SLC8A1: variants seen among roughly 807,000 people sequenced by gnomAD.
SLC8A1 encodes the protein solute carrier family 8 member A1, also known as sodium/calcium exchanger 1.
Under a neutral mutation model 68.3 loss-of-function variants are expected in SLC8A1, and 18 were observed. That is an observed-to-expected ratio of 0.26 (90% CI 0.18 to 0.39). The LOEUF (loss-of-function observed/expected upper bound fraction) is 0.39. SLC8A1 is among the 10% of genes least tolerant of loss of function. The pLI, the probability that SLC8A1 is intolerant of heterozygous loss-of-function variation, is 1.00. For synonymous variants in SLC8A1, 475 were observed against 415.5 expected (o/e 1.14, Z -1.74); for missense variants, 985 against 1,156.7 (o/e 0.85, Z 2.15).
intron 1 of SLC8A1, among the ~76,000 whole-genome samples, chr2:40,460,551 T>C (rs781049070): frequency 3.3e-5 from 5 of 151,726 alleles, no homozygotes; most frequent in African/African-American, 7.3e-5. Context: ...TTTAGACTTA[T>C]AGGTAAAATC....
intron 2 of SLC8A1, among the ~76,000 whole-genome samples, chr2:40,207,940 G>A (rs1306519120): frequency 1.3e-5 from 2 of 152,156 alleles, no homozygotes; most frequent in Non-Finnish European, 2.9e-5. Context: ...CTGCAGCTCT[G>A]GGAAGTTGGG....
intron 2 of SLC8A1, among the ~76,000 whole-genome samples, chr2:40,338,796 G>A (rs981780416): frequency 1.3e-5 from 2 of 152,186 alleles, no homozygotes; most frequent in African/African-American, 4.8e-5. Flanking sequence ...GGTATCATAT[G>A]TATTACAGGA....
In SLC8A1 at chr2:40,503,698, A is replaced by G. The variant is rs74704982; in HGVS notation, c.-25+8651T>C. Among the ~76,000 whole-genome samples, 1,445 of 152,142 alleles carry G rather than the reference A, an allele frequency of 9.5e-3. 23 individuals carry two copies. The highest frequency in any genetic ancestry group is 0.033 in the African/African-American group (1,355 of 41,540). On this transcript the variant is annotated intron_variant, in intron 1 of 7. Transcript: ENST00000402441. ...TAAAAAAGAAATAAAAAGTAATCCC[A>G]TTTATATTAGCCACACATAAAATTA...
intron 2 of SLC8A1, among the ~76,000 whole-genome samples, chr2:40,411,029 T>C (rs1691977305): frequency 6.6e-6 from 1 of 152,058 alleles, no homozygotes; most frequent in South Asian, 2.1e-4. Flanking sequence ...AATTAAGTTT[T>C]TTTAGATTGG....
chr2:40,314,339 G>C (rs1426918901), intron 2 of SLC8A1, among the ~76,000 whole-genome samples: 1 of 151,792 alleles, frequency 6.6e-6, no homozygotes, highest in South Asian at 2.1e-4. Context: ...TATTTCCATA[G>C]TTTATTCCAT....
chr2:40,357,040 C>T (rs796709297), intron 2 of SLC8A1, among the ~76,000 whole-genome samples: 1 of 152,126 alleles, frequency 6.6e-6, no homozygotes, highest in South Asian at 2.1e-4. Flanking sequence ...GTTACATCTG[C>T]AGAACACAGC....
At chr2:40,404,948 T>C (rs757772811) in intron 2 of SLC8A1, among the ~76,000 whole-genome samples, 1 of 152,200 alleles carries the variant, frequency 6.6e-6, no homozygotes, top group Non-Finnish European at 1.5e-5. Context: ...TAATAGCAAT[T>C]ATTTCTATTT....
chr2:40,271,951 C>T (rs1436790214), intron 2 of SLC8A1, among the ~76,000 whole-genome samples: 4 of 152,058 alleles, frequency 2.6e-5, no homozygotes, highest in South Asian at 2.1e-4. Context: ...ACTGCAGCCT[C>T]GATGTCTTGG....
intron 2 of SLC8A1, among the ~76,000 whole-genome samples, chr2:40,394,299 G>A (rs1003319009): frequency 6.6e-6 from 1 of 152,088 alleles, no homozygotes; most frequent in Non-Finnish European, 1.5e-5. Flanking sequence ...ATTCTAGGGA[G>A]AGTAATTTGT....
chr2:40,335,107 A>T (rs1158953092), intron 2 of SLC8A1, among the ~76,000 whole-genome samples: 1 of 152,236 alleles, frequency 6.6e-6, no homozygotes, highest in African/African-American at 2.4e-5. Context: ...ATTTCCTGCT[A>T]AGATAAATAG....
chr2:40,347,299 C>A (rs975621998), intron 2 of SLC8A1, among the ~76,000 whole-genome samples: 11 of 152,218 alleles, frequency 7.2e-5, no homozygotes, highest in African/African-American at 2.7e-4. Context: ...CCAACCTGGG[C>A]CCCTTGCTTC....
intron 2 of SLC8A1, among the ~76,000 whole-genome samples, chr2:40,415,238 T>A (rs1693447752): frequency 1.3e-5 from 2 of 152,130 alleles, no homozygotes; most frequent in African/African-American, 4.8e-5. Flanking sequence ...TGCTGAATAA[T>A]TGCTTTTTAA....
intron 2 of SLC8A1, among the ~76,000 whole-genome samples, chr2:40,270,429 T>C (rs2065883294): frequency 6.6e-6 from 1 of 152,258 alleles, no homozygotes; most frequent in Non-Finnish European, 1.5e-5. Flanking sequence ...CAGGGCTGTG[T>C]TCCTTTTCGG....
chr2:40,106,582 A>C (rs1387722646), exon 8 of SLC8A1: 3 of 152,238 alleles, frequency 2.0e-5, no homozygotes, highest in African/African-American at 7.2e-5. Flanking sequence ...GTCTCAAATA[A>C]GATCTGGAGT....
At chr2:40,356,940 T>G (rs553528523) in intron 2 of SLC8A1, among the ~76,000 whole-genome samples, 2 of 152,204 alleles carry the variant, frequency 1.3e-5, no homozygotes, top group Admixed American at 1.3e-4. Context: ...TTTCTCTGCT[T>G]CTTGTCACCA....
At chr2:40,165,483 A>C (rs1194367762) in intron 4 of SLC8A1, among the ~76,000 whole-genome samples, 1 of 152,196 alleles carries the variant, frequency 6.6e-6, no homozygotes, top group Non-Finnish European at 1.5e-5. Flanking sequence ...GGAACAGGAA[A>C]TTCTGACTTT....
At chr2:40,224,722 A>AT (rs1221527211) in intron 2 of SLC8A1, among the ~76,000 whole-genome samples, 4 of 152,094 alleles carry the variant, frequency 2.6e-5, no homozygotes, top group Non-Finnish European at 4.4e-5. Context: ...AAATTTGCTT[A>AT]TTTTTTACAA....
rs191295411 is a variant in SLC8A1 at position 40,238,392 on chromosome 2, C to G, written c.1809-60537G>C. The stretch of plus-strand genomic sequence containing the variant: ...TCCAGGTGCTGTCCGTCACCCCTTT[C>G]TTTGACTCGGAAGGGAAACTCCCTG... On this transcript the variant is annotated intron_variant, in intron 2 of 7. Transcript: ENST00000406785. Among the ~76,000 whole-genome samples, 54 of 151,962 alleles carry G rather than the reference C, an allele frequency of 3.6e-4. 1 individual carries two copies. In the East Asian group the frequency reaches 0.01, roughly 28 times the overall value.
chr2:40,335,042 A>G (rs775810637), intron 2 of SLC8A1, among the ~76,000 whole-genome samples: 11 of 152,204 alleles, frequency 7.2e-5, no homozygotes, highest in Non-Finnish European at 1.2e-4. Flanking sequence ...TCATTCTCCA[A>G]AGAGGTCATT....
Sources: allele counts gnomAD v4.1 joint callset (sites outside exome capture counted in the v4.1 genomes callset), GRCh38; gene constraint gnomAD v4.1.1; transcripts MANE v1.5; gene names NCBI Gene and HGNC (gene_info 2026-07-23, HGNC 2026-07-21).